NLGN1: variants seen among roughly 807,000 people sequenced by gnomAD.
NLGN1 encodes the protein neuroligin 1.
In NLGN1, 12 loss-of-function variants were observed where a neutral mutation model predicts 65.5. The observed-to-expected ratio is 0.18, with a 90% CI of 0.12 to 0.30. The LOEUF is 0.30. Ranked by LOEUF, NLGN1 falls within the 10% of genes least tolerant of loss-of-function variation. The pLI, the probability that NLGN1 is intolerant of heterozygous loss-of-function variation, is 1.00. For synonymous variants in NLGN1, 350 were observed against 359.5 expected (o/e 0.97, Z 0.30); for missense variants, 750 against 1,007.1 (o/e 0.74, Z 3.46).
At chr3:173,764,339 C>T (rs1778433853) in intron 3 of NLGN1, among the ~76,000 whole-genome samples, 1 of 152,134 alleles carries the variant, frequency 6.6e-6, no homozygotes, top group Admixed American at 6.6e-5. Context: ...CCTTAGGTTT[C>T]ACCATGAAGG....
chr3:174,087,525 A>T (rs910347568), intron 4 of NLGN1, among the ~76,000 whole-genome samples: 5 of 152,174 alleles, frequency 3.3e-5, no homozygotes, highest in African/African-American at 1.2e-4. Context: ...ATAATTTTCC[A>T]AAGTATTAAG....
chr3:174,293,145 A>T, the NLGN1 span, among the ~76,000 whole-genome samples: 2 of 151,562 alleles, frequency 1.3e-5, no homozygotes, highest in Non-Finnish European at 3.0e-5. Context: ...AAGGACAGCA[A>T]GATGGGGTAA....
chr3:174,275,289 G>GTGTT (rs768265557), intron 4 of NLGN1, 26 bp from the exon 5 acceptor site: 2 of 1,559,700 alleles, frequency 1.3e-6, no homozygotes, highest in African/African-American at 1.4e-5. Context: ...AGCTCAAAAC[G>GTGTT]TGTTTTCTAA....
intron 4 of NLGN1, among the ~76,000 whole-genome samples, chr3:174,196,982 T>G (rs1283854939): frequency 6.6e-6 from 1 of 152,166 alleles, no homozygotes; most frequent in Non-Finnish European, 1.5e-5. Context: ...CCAGAGTCTG[T>G]GCTTTCAATA....
At chr3:173,839,984 A>T (rs1724476554) in intron 4 of NLGN1, among the ~76,000 whole-genome samples, 1 of 152,360 alleles carries the variant, frequency 6.6e-6, no homozygotes, top group Admixed American at 6.5e-5. Flanking sequence ...AGATGTGGAC[A>T]TTTAAACCTA....
intron 3 of NLGN1, among the ~76,000 whole-genome samples, chr3:173,635,367 C>T (rs533633777): frequency 3.9e-5 from 6 of 152,112 alleles, no homozygotes; most frequent in Non-Finnish European, 8.8e-5. Flanking sequence ...CATTAATTCT[C>T]ATTGGTTCTC....
chr3:173,801,658 A>G (rs1715482656), intron 3 of NLGN1, among the ~76,000 whole-genome samples: 1 of 152,080 alleles, frequency 6.6e-6, no homozygotes, highest in South Asian at 2.1e-4. Flanking sequence ...CTTAAGAATT[A>G]TTTTGATTAA....
At chr3:173,654,165 G>A (rs1759625856) in intron 3 of NLGN1, among the ~76,000 whole-genome samples, 1 of 151,944 alleles carries the variant, frequency 6.6e-6, no homozygotes, top group Non-Finnish European at 1.5e-5. Context: ...ATTATCTTAG[G>A]GAGAATTAAA....
At chr3:173,770,965 T>C (rs1414873436) in intron 3 of NLGN1, among the ~76,000 whole-genome samples, 2 of 152,154 alleles carry the variant, frequency 1.3e-5, no homozygotes, top group African/African-American at 4.8e-5. Flanking sequence ...ATTCAGCTTA[T>C]AAAGCAGAAA....
At chr3:174,008,681 G>C (rs2152437129) in intron 4 of NLGN1, among the ~76,000 whole-genome samples, 1 of 152,198 alleles carries the variant, frequency 6.6e-6, no homozygotes, top group East Asian at 1.9e-4. Context: ...GATTTTGGGA[G>C]AAGTGCACAT....
chr3:173,673,126 A>G (rs1416998911), intron 3 of NLGN1, among the ~76,000 whole-genome samples: 1 of 152,164 alleles, frequency 6.6e-6, no homozygotes, highest in Non-Finnish European at 1.5e-5. Context: ...TATCAGCATC[A>G]ATTTTTTTCC....
At chr3:174,072,112 A>T (rs911256590) in intron 4 of NLGN1, among the ~76,000 whole-genome samples, 3 of 152,208 alleles carry the variant, frequency 2.0e-5, no homozygotes, top group African/African-American at 4.8e-5. Flanking sequence ...GGGAAAATAA[A>T]GGGGAGAATC....
At chr3:173,526,702 C>G (rs1735701876) in intron 2 of NLGN1, among the ~76,000 whole-genome samples, 1 of 152,146 alleles carries the variant, frequency 6.6e-6, no homozygotes, top group African/African-American at 2.4e-5. Flanking sequence ...CTTATTCACA[C>G]TTTCTAACAA....
chr3:173,797,959 A>G (rs183517566), intron 3 of NLGN1, among the ~76,000 whole-genome samples: 1 of 152,100 alleles, frequency 6.6e-6, no homozygotes, highest in Admixed American at 6.6e-5. Context: ...CAGTGGCTAT[A>G]TAAGCTGAAT....
chr3:174,022,482 C>T (rs543712846), intron 4 of NLGN1, among the ~76,000 whole-genome samples: 8 of 152,110 alleles, frequency 5.3e-5, no homozygotes, highest in African/African-American at 1.2e-4. Flanking sequence ...ATGGTGACTC[C>T]GGAAAGGCAG....
intron 4 of NLGN1, among the ~76,000 whole-genome samples, chr3:174,198,417 C>A (rs1733852160): frequency 6.6e-6 from 1 of 152,138 alleles, no homozygotes; most frequent in Non-Finnish European, 1.5e-5. Flanking sequence ...TGCTGTACAT[C>A]CTTACATATA....
chr3:174,097,300 T>C (rs1231879946), intron 4 of NLGN1, among the ~76,000 whole-genome samples: 1 of 152,202 alleles, frequency 6.6e-6, no homozygotes, highest in Admixed American at 6.5e-5. Context: ...AAATCATTCA[T>C]ATTTATTCTT....
In NLGN1 at chr3:173,735,312, C is replaced by A. The variant is rs950636558; in HGVS notation, c.494-72368C>A. ...AATACGTGGGAGTTTATTTTCATTCCTTTTCTCCCTTGCACATGGAACTAC... is the reference window on the plus strand; with the variant it reads ...AATACGTGGGAGTTTATTTTCATTCATTTTCTCCCTTGCACATGGAACTAC... On this transcript the variant is annotated intron_variant, in intron 3 of 6. Coordinates refer to ENST00000457714, the Ensembl canonical transcript of NLGN1. Among the ~76,000 whole-genome samples, 15 of 152,028 alleles carry A rather than the reference C, an allele frequency of 9.9e-5. 1 individual carries two copies. The highest frequency in any genetic ancestry group is 9.2e-4 in the Admixed American group (14 of 15,238).
At chr3:174,083,540 C>T (rs1742662102) in intron 4 of NLGN1, among the ~76,000 whole-genome samples, 1 of 152,046 alleles carries the variant, frequency 6.6e-6, no homozygotes, top group African/African-American at 2.4e-5. Flanking sequence ...ATTTAAAATA[C>T]ATAATAACAT....
Sources: allele counts gnomAD v4.1 joint callset (sites outside exome capture counted in the v4.1 genomes callset), GRCh38; gene constraint gnomAD v4.1.1; transcripts MANE v1.5; gene names NCBI Gene and HGNC (gene_info 2026-07-23, HGNC 2026-07-21).